The following EXOC6B variants were observed in gnomAD, a reference collection of about 807,000 sequenced individuals.
EXOC6B encodes exocyst complex component 6B.
EXOC6B carries 54 observed loss-of-function variants against 113.5 expected under a neutral mutation model. The observed-to-expected ratio is 0.48, with a 90% CI of 0.38 to 0.60. EXOC6B has a LOEUF of 0.60. EXOC6B is among the 20% of genes least tolerant of loss of function. EXOC6B has a pLI of 0.00. For synonymous variants in EXOC6B, 357 were observed against 339.0 expected (o/e 1.05, Z -0.58); for missense variants, 797 against 977.5 (o/e 0.82, Z 2.46).
At chr2:72,720,528 A>C (rs1427603879) in intron 5 of EXOC6B, among the ~76,000 whole-genome samples, 1 of 152,202 alleles carries the variant, frequency 6.6e-6, no homozygotes, top group African/African-American at 2.4e-5. Flanking sequence ...TGGGCAGATC[A>C]CTTGAGCTCA....
At position 72,484,566 on chromosome 2, in the gene EXOC6B, C is replaced by CAA. The variant is rs1163864913; in HGVS notation, c.1666-3818_1666-3817dup. Among the ~76,000 whole-genome samples the CAA allele has an allele frequency of 4.3e-3, 223 of 52,294 alleles. 2 individuals carry two copies. Among genetic ancestry groups the CAA allele is most frequent in the African/African-American group, 8.2e-3 (125 of 15,332 alleles). 34.3% of individuals were successfully genotyped at this position (52,294 alleles called of 152,430 possible). On this transcript the variant is annotated intron_variant, in intron 16 of 21. Coordinates refer to ENST00000272427, the MANE Select transcript of EXOC6B (RefSeq NM_015189.3). ...TGGGCGACAGAGCGAGACTCCGTCA[C>CAA]AAAAAAAAAAAAAAAAAAAAAATTC...
intron 19 of EXOC6B, among the ~76,000 whole-genome samples, chr2:72,349,249 G>T (rs1189754083): frequency 6.6e-6 from 1 of 152,158 alleles, no homozygotes. Flanking sequence ...CTTTGTCCCT[G>T]GCTCCTGGCA....
At chr2:72,746,220 A>T (rs1438380437) in intron 1 of EXOC6B, among the ~76,000 whole-genome samples, 1 of 152,102 alleles carries the variant, frequency 6.6e-6, no homozygotes, top group Non-Finnish European at 1.5e-5. Context: ...CTATGGAATA[A>T]ACTGCACCAC....
intron 1 of EXOC6B, among the ~76,000 whole-genome samples, chr2:72,817,235 C>T (rs186632586): frequency 2.6e-5 from 4 of 152,222 alleles, no homozygotes; most frequent in African/African-American, 9.6e-5. Flanking sequence ...GACAGCACTA[C>T]AAAGAACACT....
At chr2:72,442,851 C>T (rs1362863319) in intron 18 of EXOC6B, among the ~76,000 whole-genome samples, 1 of 152,184 alleles carries the variant, frequency 6.6e-6, no homozygotes, top group African/African-American at 2.4e-5. Context: ...TCCCATTAAA[C>T]TGCCATTGAC....
intron 20 of EXOC6B, among the ~76,000 whole-genome samples, chr2:72,213,689 G>A (rs1407104586): frequency 6.6e-6 from 1 of 152,130 alleles, no homozygotes; most frequent in Non-Finnish European, 1.5e-5. Flanking sequence ...GATAGTATTA[G>A]GACATGGGAC....
At chr2:72,415,068 A>C (rs868044103) in intron 18 of EXOC6B, among the ~76,000 whole-genome samples, 19 of 152,192 alleles carry the variant, frequency 1.2e-4, no homozygotes, top group African/African-American at 3.9e-4. Flanking sequence ...AATGATATTA[A>C]CATTTTCTGT....
At chr2:72,492,181 T>A in intron 16 of EXOC6B, 137 bp downstream of exon 16, 1 of 440,220 alleles carries the variant, frequency 2.3e-6, no homozygotes, top group South Asian at 8.1e-5. Context: ...AACAAGAGAT[T>A]TCATTTTGCA....
rs761531399 is a variant in EXOC6B, at chr2:72,575,405, A to C, written c.846+87T>G. On this transcript the variant is annotated intron_variant, in intron 7 of 21. Coordinates refer to ENST00000272427, the MANE Select transcript of EXOC6B (RefSeq NM_015189.3). Reference sequence around the variant, plus strand: ...ATATTCAGAAGATCACACAAACTACATTATATGGATAAACTCTTCATCACA... The same window carrying C: ...ATATTCAGAAGATCACACAAACTACCTTATATGGATAAACTCTTCATCACA... 8.8e-5 allele frequency: 111 copies of C among 1,257,350 alleles called. No homozygotes were observed. The highest frequency in any genetic ancestry group is 1.1e-4 in the Non-Finnish European group (102 of 925,890). 77.9% of individuals were successfully genotyped at this position (1,257,350 alleles called of 1,614,324 possible). A position where few individuals can be genotyped will look rare whatever the true frequency, so the allele number is the denominator to read the frequency against.
chr2:72,459,073 C>T (rs1418446808), intron 18 of EXOC6B, among the ~76,000 whole-genome samples: 4 of 151,678 alleles, frequency 2.6e-5, no homozygotes, highest in South Asian at 2.1e-4. Flanking sequence ...TAAGGATAAA[C>T]CCAGCATATA....
intron 6 of EXOC6B, among the ~76,000 whole-genome samples, chr2:72,639,569 T>C (rs1234824345): frequency 6.6e-6 from 1 of 152,220 alleles, no homozygotes; most frequent in Admixed American, 6.5e-5. Flanking sequence ...CAAATCCCAC[T>C]GTCACTGCAC....
intron 20 of EXOC6B, among the ~76,000 whole-genome samples, chr2:72,305,364 A>ATGTATT (rs1553370858): frequency 0.014 from 2,047 of 151,458 alleles, 38 homozygotes; most frequent in African/African-American, 0.046. Context: ...GTATATGTAT[A>ATGTATT]TGTATATGTG....
At chr2:72,560,691 G>A (rs1294723273) in intron 7 of EXOC6B, among the ~76,000 whole-genome samples, 2 of 151,690 alleles carry the variant, frequency 1.3e-5, no homozygotes, top group Non-Finnish European at 2.9e-5. Flanking sequence ...CATCTGCTTC[G>A]CACCCATGAG....
chr2:72,782,139 CAAA>C (rs374201314), intron 1 of EXOC6B, among the ~76,000 whole-genome samples: 3 of 65,308 alleles, frequency 4.6e-5, no homozygotes, highest in Admixed American at 1.8e-4. Flanking sequence ...GACTCACTCT[CAAA>C]AAAAAAAAAA....
intron 1 of EXOC6B, among the ~76,000 whole-genome samples, chr2:72,799,033 G>A (rs951379247): frequency 6.6e-6 from 1 of 152,000 alleles, no homozygotes. Context: ...GAGCCCAGGA[G>A]TTTAAGACCA....
At chr2:72,264,783 C>CCCTACTGCCTCTCATTCTCTCT (rs1683952687) in intron 20 of EXOC6B, among the ~76,000 whole-genome samples, 1 of 151,888 alleles carries the variant, frequency 6.6e-6, no homozygotes, top group Non-Finnish European at 1.5e-5. Context: ...CTGGCATTTC[C>CCCTACTGCCTCTCATTCTCTCT]CCTACTGCCT....
At chr2:72,252,429 T>A (rs1042600292) in intron 20 of EXOC6B, among the ~76,000 whole-genome samples, 3 of 152,036 alleles carry the variant, frequency 2.0e-5, no homozygotes, top group Admixed American at 2.0e-4. Flanking sequence ...TAGAAAGTCA[T>A]GCCATTGCAC....
rs115039106 is a variant in EXOC6B at position 72,362,580 on chromosome 2, T to C, written c.2122+17149A>G. On this transcript the variant is annotated intron_variant, in intron 19 of 21. Coordinates refer to ENST00000272427, the MANE Select transcript of EXOC6B (RefSeq NM_015189.3). Reference sequence around the variant, plus strand: ...CAAATATAGCAGGAATTAGTATTTCTAGTTTATTGATGGGCTCAGAGAGGT... The same window carrying C: ...CAAATATAGCAGGAATTAGTATTTCCAGTTTATTGATGGGCTCAGAGAGGT... 3.6e-3 allele frequency among the ~76,000 whole-genome samples: 548 copies of C among 152,298 alleles called. 4 individuals are homozygous for C. The highest frequency in any genetic ancestry group is 0.012 in the African/African-American group (496 of 41,580).
At chr2:72,254,926 A>G (rs1683263533) in intron 20 of EXOC6B, among the ~76,000 whole-genome samples, 1 of 152,184 alleles carries the variant, frequency 6.6e-6, no homozygotes, top group South Asian at 2.1e-4. Context: ...AAAGAGATAA[A>G]TTGAAAAAGG....
Sources: allele counts gnomAD v4.1 joint callset (sites outside exome capture counted in the v4.1 genomes callset), GRCh38; gene constraint gnomAD v4.1.1; transcripts MANE v1.5; gene names NCBI Gene and HGNC (gene_info 2026-07-23, HGNC 2026-07-21).